KIF20A: variants seen among roughly 807,000 people sequenced by gnomAD.
KIF20A encodes the protein kinesin-like protein KIF20A.
A neutral mutation model predicts 113.0 loss-of-function variants in KIF20A; 66 were observed. The ratio of observed to expected loss-of-function variants is 0.58; its 90% CI spans 0.48 to 0.72. The LOEUF (loss-of-function observed/expected upper bound fraction) is 0.72. Ranked by LOEUF, KIF20A falls within the 30% of genes least tolerant of loss-of-function variation. The pLI is 0.00. For missense variants in KIF20A, 927 were observed against 1,077.6 expected, an observed-to-expected ratio of 0.86 and a Z score of 1.96; for synonymous variants, 376 against 402.3, an observed-to-expected ratio of 0.93 and a Z score of 0.78.
intron 15 of KIF20A, 123 bp downstream of exon 15, chr5:138,185,320 T>C: frequency 1.2e-6 from 1 of 835,738 alleles, no homozygotes; most frequent in Non-Finnish European, 2.0e-6. Context: ...TTTTCTCTAT[T>C]CCCCATAGTG....
Position 138,179,759 on chromosome 5 carries a change from A to G in KIF20A, c.79A>G (p.Thr27Ala). 1 of 1,614,118 alleles carries G rather than the reference A, an allele frequency of 6.2e-7. No individual in the cohort carries two copies. Among genetic ancestry groups the G allele is most frequent in the Non-Finnish European group, 8.5e-7 (1 of 1,180,028 alleles). Residue 27 changes from threonine to alanine, a missense_variant, in exon 2 of 19, where the codon ACA becomes GCA. By Grantham distance (58) the Thr-to-Ala change is moderately conservative. Coordinates refer to ENST00000394894, the MANE Select transcript of KIF20A (RefSeq NM_005733.3). ...CGTAGTTTCTCCCATGTTTGAGTCC[A>G]CAGCTGCAGATTTGGGGTCTGTGGT... ...DVVVSPMFES[T>A]AADLGSVVRK... is the part of the protein sequence containing the mutation.
At chr5:138,181,883 A>G (rs1754667671) in intron 4 of KIF20A, 155 bp downstream of exon 4, 1 of 744,276 alleles carries the variant, frequency 1.3e-6, no homozygotes, top group Non-Finnish European at 2.2e-6. Context: ...CAATGTGTCA[A>G]GTAACATATG....
At position 138,182,771 on chromosome 5, in the gene KIF20A, GA is replaced by G. The variant is rs1754681700; in HGVS notation, c.701del (p.Glu234GlyfsTer8). 1 of 1,613,538 alleles carries G rather than the reference GA, an allele frequency of 6.2e-7. No homozygotes were observed. Among genetic ancestry groups the G allele is most frequent in the Non-Finnish European group, 8.5e-7 (1 of 1,180,014 alleles). ...KLSLLNGGLQ[E>X]EELSTSLKRS... The stretch of plus-strand genomic sequence containing the variant: ...GTCCCTGCTAAATGGAGGCCTCCAA[GA>G]GGTAAAGCATTGGTATCCATGGCAG... On this transcript the variant is annotated frameshift_variant and splice_region_variant, in exon 6 of 19. Coordinates refer to ENST00000394894, the MANE Select transcript of KIF20A (RefSeq NM_005733.3). LOFTEE classifies it high-confidence loss of function.
rs774309620 is a variant in KIF20A at position 138,185,599 on chromosome 5, T to C, written c.2014T>C (p.Leu672=). The C allele has an allele frequency of 5.0e-6, 8 of 1,614,186 alleles. No individual in the cohort carries two copies. The East Asian group carries it at 6.7e-5, about 13-fold the overall frequency. ...GGCCCATCAGCAATCAGGGTCTGAA[T>C]TGGCCCTACGGCGGTCACAAAGGTT... ...SVAHQQSGSE[L]ALRRSQRLAA... The change falls in exon 16 of 19, where the codon TTG becomes CTG. Residue 672 remains leucine (L), a synonymous_variant. Transcript: ENST00000394894.
chr5:138,181,130 G>T (rs1433034247), intron 2 of KIF20A, among the ~76,000 whole-genome samples: 1 of 152,238 alleles, frequency 6.6e-6, no homozygotes, highest in Non-Finnish European at 1.5e-5. Flanking sequence ...GTTTGCCTCT[G>T]CTTTGCTTTA....
Position 138,187,388 on chromosome 5 carries a change from C to A in KIF20A, c.2648C>A (p.Ser883Tyr), listed in dbSNP as rs977795047. 1.9e-6 allele frequency: 3 copies of A among 1,613,418 alleles called. No individual in the cohort carries two copies. The African/African-American group carries it at 4.0e-5, about 22-fold the overall frequency. Residue 883 changes from serine to tyrosine, a missense_variant, in exon 19 of 19, where the codon TCT becomes TAT. Coordinates refer to ENST00000394894, the MANE Select transcript of KIF20A (RefSeq NM_005733.3). Reference sequence around the variant, plus strand: ...TCACGGCGTTCCCCTTTACTCAAATCTGGGCCTTTTGGCAAAAAGTACTAA... The same window carrying A: ...TCACGGCGTTCCCCTTTACTCAAATATGGGCCTTTTGGCAAAAAGTACTAA... The part of the protein sequence containing the change: ...LRSRRSPLLK[S>Y]GPFGKKY
rs572200488 is a variant in KIF20A at position 138,179,899 on chromosome 5, T to C, written c.165+54T>C. 2.1e-5 allele frequency: 33 copies of C among 1,577,980 alleles called. No individual in the cohort carries two copies. The South Asian group carries it at 3.3e-4, about 16-fold the overall frequency. On this transcript the variant is annotated intron_variant, in intron 2 of 18. Coordinates refer to ENST00000394894, the MANE Select transcript of KIF20A (RefSeq NM_005733.3). The stretch of plus-strand genomic sequence containing the variant: ...GAAAGTGATATCCTCAGGCCAATAA[T>C]TGTCCATACAGGGTAGTATGAGGTC...
intron 4 of KIF20A, 24 bp from the exon 5 acceptor site, chr5:138,182,299 C>T: frequency 6.2e-7 from 1 of 1,607,394 alleles, no homozygotes; most frequent in Non-Finnish European, 8.5e-7. Context: ...GGAGAGGCCT[C>T]TAAAAAACTG....
At chr5:138,186,242 A>G (rs1754743119) in intron 17 of KIF20A, 52 bp from the exon 18 acceptor site, 4 of 1,570,714 alleles carry the variant, frequency 2.5e-6, no homozygotes, top group Non-Finnish European at 3.4e-6. Flanking sequence ...CCTCCAGATC[A>G]TTATCCTGGT....
At chr5:138,185,869 T>G (rs1013538103) in intron 16 of KIF20A, 92 bp from the exon 17 acceptor site, 7 of 1,338,274 alleles carry the variant, frequency 5.2e-6, no homozygotes, top group Non-Finnish European at 7.4e-6. Context: ...ACTTTTTATA[T>G]TTGCTGCAAG....
Position 138,183,175 on chromosome 5 carries a change from G to A in KIF20A, c.839G>A (p.Ser280Asn), listed in dbSNP as rs1754688145. ...CTSSSQLDET[S>N]HRWAQPDTAP... ...ACATTGGCTTCTTCTCCAGAAACAA[G>A]TCATCGATGGGCACAGCCAGACACT... The change falls in exon 8 of 19, where the codon AGT (serine) becomes AAT (asparagine). Residue 280 changes from serine to asparagine, a missense_variant. By Grantham distance (46) the Ser-to-Asn change is conservative (BLOSUM62 1). Transcript: ENST00000394894. This position sits in a 1 kb window ranked among gnomAD's most constrained non-coding sequence, Gnocchi z 5.2. 2 of 1,613,938 alleles carry A rather than the reference G, an allele frequency of 1.2e-6. No homozygotes were observed. The highest frequency in any genetic ancestry group is 1.7e-6 in the Non-Finnish European group (2 of 1,179,886).
Position 138,184,403 on chromosome 5 carries a change from A to G in KIF20A, c.1517A>G (p.Gln506Arg), listed in dbSNP as rs1228672914. 6.2e-7 allele frequency: 1 copy of G among 1,614,198 alleles called. No individual in the cohort carries two copies. The highest frequency in any genetic ancestry group is 2.2e-5 in the East Asian group (1 of 44,886). ...HVAKFSAIAS[Q>R]LVHAPPMQLG... ...GCCAAGTTCTCAGCCATTGCTAGCC[A>G]GGTGAGAAGCTAGAGGTGTGATGGG... The change falls in exon 12 of 19, where the codon CAG (glutamine) becomes CGG (arginine). Residue 506 changes from glutamine (Q) to arginine (R), a missense_variant and splice_region_variant. Coordinates refer to ENST00000394894, the MANE Select transcript of KIF20A (RefSeq NM_005733.3).
chr5:138,185,390 A>C, intron 15 of KIF20A, 122 bp from the exon 16 acceptor site: 1 of 967,590 alleles, frequency 1.0e-6, no homozygotes, highest in Non-Finnish European at 1.6e-6. Context: ...AGGAAATCGT[A>C]TTAAGTGCTA....
At chr5:138,184,990 G>C in intron 14 of KIF20A, 44 bp downstream of exon 14, 1 of 1,609,546 alleles carries the variant, frequency 6.2e-7, no homozygotes, top group Non-Finnish European at 8.5e-7. Flanking sequence ...CTGAGACAGA[G>C]GGTGGGAAGT....
At position 138,179,828 on chromosome 5, in the gene KIF20A, C is replaced by G. The variant is rs1754613288; in HGVS notation, c.148C>G (p.Leu50Val). ...LSDCSVVSTS[L>V]EDKQQVPSED... ...AGACTGCTCTGTCGTCTCTACCTCC[C>G]TAGAGGACAAGCAGCAGGTAAAGGA... is the stretch of plus-strand genomic sequence containing the variant. The change falls in exon 2 of 19, where the codon CTA (leucine) becomes GTA (valine). Residue 50 changes from leucine (L) to valine (V), a missense_variant. Coordinates refer to ENST00000394894, the MANE Select transcript of KIF20A (RefSeq NM_005733.3). 1 of 1,613,942 alleles carries G rather than the reference C, an allele frequency of 6.2e-7. No homozygotes were observed. The highest frequency in any genetic ancestry group is 8.5e-7 in the Non-Finnish European group (1 of 1,179,946).
rs1357103656 is a variant in KIF20A at position 138,184,390 on chromosome 5, G to A, written c.1504G>A (p.Ala502Thr). 1.9e-6 allele frequency: 3 copies of A among 1,614,072 alleles called. No homozygotes were observed. Among genetic ancestry groups the A allele is most frequent in the African/African-American group, 1.3e-5 (1 of 74,914 alleles). The part of the protein sequence containing the change: ...DETLHVAKFS[A>T]IASQLVHAPP... ...AACTCTTCATGTGGCCAAGTTCTCA[G>A]CCATTGCTAGCCAGGTGAGAAGCTA... is the stretch of plus-strand genomic sequence containing the variant. Residue 502 changes from alanine to threonine, a missense_variant, in exon 12 of 19, where the codon GCC (alanine) becomes ACC (threonine). Transcript: ENST00000394894.
chr5:138,186,439 C>G lies in KIF20A; in HGVS notation c.2355+8C>G, dbSNP rs1456211829. 1.1e-5 allele frequency: 17 copies of G among 1,611,456 alleles called. No individual in the cohort carries two copies. Among genetic ancestry groups the G allele is most frequent in the Non-Finnish European group, 1.4e-5 (16 of 1,179,442 alleles). On this transcript the variant is annotated splice_region_variant and intron_variant, in intron 18 of 18. Coordinates refer to ENST00000394894, the MANE Select transcript of KIF20A (RefSeq NM_005733.3). ...GACATCTTAATCAAACAGGTTAGGG[C>G]AAACTATATACCCACTTCTGTCCTA...
chr5:138,183,352 C>T lies in KIF20A; in HGVS notation c.1016C>T (p.Pro339Leu), dbSNP rs761383561. The change falls in exon 8 of 19, where the codon CCC (proline) becomes CTC (leucine). Residue 339 changes from proline (P) to leucine (L), a missense_variant. Coordinates refer to ENST00000394894, the MANE Select transcript of KIF20A (RefSeq NM_005733.3). The surrounding 1 kb of genome is among the most constrained non-coding windows in gnomAD (Gnocchi z 5.2). ...LRLCEDQNGN[P>L]YVKDLNWIHV... ...CTATGCGAGGATCAAAATGGCAATCCCTATGTGAAAGGTAAAGGAACATGG... is the reference window on the plus strand; with the variant it reads ...CTATGCGAGGATCAAAATGGCAATCTCTATGTGAAAGGTAAAGGAACATGG... 6.2e-7 allele frequency: 1 copy of T among 1,614,146 alleles called. No homozygotes were observed. Among genetic ancestry groups the T allele is most frequent in the Non-Finnish European group, 8.5e-7 (1 of 1,180,010 alleles).
Position 138,184,493 on chromosome 5 carries a change from A to G in KIF20A, c.1519-19A>G, listed in dbSNP as rs1334916921. ...GGGACTACTTATGGAGTCAAGTAAG[A>G]TATTTTTTTTCCCTCTAGCTTGTGC... On this transcript the variant is annotated intron_variant, in intron 12 of 18. Coordinates refer to ENST00000394894, the MANE Select transcript of KIF20A (RefSeq NM_005733.3). 5.0e-6 allele frequency: 8 copies of G among 1,610,598 alleles called. No individual in the cohort carries two copies. The highest frequency in any genetic ancestry group is 1.7e-5 in the Admixed American group (1 of 59,916).
Sources: allele counts gnomAD v4.1 joint callset (sites outside exome capture counted in the v4.1 genomes callset), GRCh38; gene constraint gnomAD v4.1.1; non-coding constraint Gnocchi (gnomAD v3.1); transcripts MANE v1.5; gene names NCBI Gene and HGNC (gene_info 2026-07-23, HGNC 2026-07-21).